CCDC83: variants seen among roughly 807,000 people sequenced by gnomAD.
CCDC83 encodes coiled-coil domain-containing protein 83.
Under a neutral mutation model 50.1 loss-of-function variants are expected in CCDC83, and 54 were observed. The observed-to-expected ratio is 1.08, with a 90% CI of 0.87 to 1.35. The LOEUF is 1.35. CCDC83 is among the 40% of genes most tolerant of loss of function. The pLI is 0.00. For missense variants in CCDC83, 518 were observed against 473.9 expected, an observed-to-expected ratio of 1.09 and a Z score of -0.86; for synonymous variants, 161 against 153.3, an observed-to-expected ratio of 1.05 and a Z score of -0.37.
Position 85,916,092 on chromosome 11 carries a change from G to C in CCDC83, c.939G>C (p.Glu313Asp), listed in dbSNP as rs577990197. ...GAGACTTGATGTCCTCATCAGATGA[G>C]AGCACTATCTTACATCTTAGTCATG... The part of the protein sequence containing the change: ...ESRDLMSSSD[E>D]STILHLSHEN... Residue 313 changes from glutamate (E) to aspartate (D), a missense_variant, in exon 10 of 11, where the codon GAG (glutamate) becomes GAC (aspartate). By Grantham distance (45) the Glu-to-Asp change is conservative. Coordinates refer to ENST00000342404, the MANE Select transcript of CCDC83 (RefSeq NM_001286159.2). 3.1e-6 allele frequency: 5 copies of C among 1,613,248 alleles called. No homozygotes were observed. The highest frequency in any genetic ancestry group is 1.3e-5 in the African/African-American group (1 of 75,014).
intron 7 of CCDC83, among the ~76,000 whole-genome samples, chr11:85,910,828 C>T (rs939456818): frequency 7.9e-5 from 12 of 152,150 alleles, no homozygotes; most frequent in Admixed American, 5.2e-4. Flanking sequence ...CACAATAGGT[C>T]TTCCCCTCAG....
chr11:85,911,176 A>T (rs868736244), intron 7 of CCDC83, 105 bp from the exon 8 acceptor site: 52 of 173,200 alleles, frequency 3.0e-4, no homozygotes, highest in Middle Eastern at 2.9e-3. Flanking sequence ...CGTCTCAAAT[A>T]AAAAAAAAAA....
chr11:85,914,467 G>A (rs1386222538), intron 8 of CCDC83, among the ~76,000 whole-genome samples: 2 of 152,158 alleles, frequency 1.3e-5, no homozygotes, highest in African/African-American at 4.8e-5. Flanking sequence ...AGTTCGCTGG[G>A]CTTGTAGGTG....
At chr11:85,881,729 A>G (rs774454669) in intron 3 of CCDC83, among the ~76,000 whole-genome samples, 4 of 152,120 alleles carry the variant, frequency 2.6e-5, no homozygotes, top group African/African-American at 7.2e-5. Context: ...CAGATTTTGG[A>G]TATTCTAATT....
intron 1 of CCDC83, among the ~76,000 whole-genome samples, chr11:85,856,506 G>A (rs1179039463): frequency 3.3e-5 from 5 of 152,212 alleles, no homozygotes; most frequent in African/African-American, 1.2e-4. Flanking sequence ...AGAAGTTAGT[G>A]TAATATACTG....
chr11:85,855,069 G>A (rs1332498101), upstream of CCDC83: 1 of 152,286 alleles, frequency 6.6e-6, no homozygotes, highest in Admixed American at 6.5e-5. Context: ...CGGGTGGGGA[G>A]GGAGTAGGGA....
At chr11:85,899,796 C>A (rs535839653) in intron 7 of CCDC83, among the ~76,000 whole-genome samples, 1 of 152,146 alleles carries the variant, frequency 6.6e-6, no homozygotes, top group South Asian at 2.1e-4. Context: ...TAGATATATT[C>A]ATTGAAGGGA....
At chr11:85,916,367 C>T in intron 10 of CCDC83, 134 bp downstream of exon 10, 1 of 713,898 alleles carries the variant, frequency 1.4e-6, no homozygotes, top group South Asian at 1.6e-5. Flanking sequence ...ATTGGCCCAC[C>T]ATTCACATCT....
chr11:85,879,538 C>T (rs1179257260), intron 3 of CCDC83, among the ~76,000 whole-genome samples: 1 of 152,036 alleles, frequency 6.6e-6, no homozygotes, highest in African/African-American at 2.4e-5. Context: ...CAAATAAAAA[C>T]CACAATGAGG....
At chr11:85,911,175 TAA>T (rs368467157) in intron 7 of CCDC83, 104 bp from the exon 8 acceptor site, 22,278 of 637,250 alleles carry the variant, frequency 0.035, no homozygotes, top group Middle Eastern at 0.045. Flanking sequence ...CCGTCTCAAA[TAA>T]AAAAAAAAAA....
chr11:85,917,166 G>GAGAGAGAA lies in CCDC83; in HGVS notation c.1080+936_1080+937insGAGAAAGA, dbSNP rs756949334. On this transcript the variant is annotated intron_variant, in intron 10 of 10. Coordinates refer to ENST00000342404, the MANE Select transcript of CCDC83 (RefSeq NM_001286159.2). ...AGAGAGAGAGAGAGAGAGAGAGAGA[G>GAGAGAGAA]AGAAAGAAAGAAAGAAAGAAAGAAA... Among the ~76,000 whole-genome samples the GAGAGAGAA allele has an allele frequency of 8.2e-3, 512 of 62,342 alleles. 2 individuals carry two copies. The highest frequency in any genetic ancestry group is 0.038 in the East Asian group (105 of 2,774). 40.9% of individuals were successfully genotyped at this position (62,342 alleles called of 152,430 possible). A position where few individuals can be genotyped will look rare whatever the true frequency, so the allele number is the denominator to read the frequency against.
chr11:85,902,534 T>C (rs2093406866), intron 7 of CCDC83, among the ~76,000 whole-genome samples: 1 of 152,184 alleles, frequency 6.6e-6, no homozygotes, highest in Admixed American at 6.5e-5. Flanking sequence ...TTCCAGGCTC[T>C]AAAACCACAT....
At chr11:85,910,148 T>C (rs1232637290) in intron 7 of CCDC83, among the ~76,000 whole-genome samples, 1 of 152,226 alleles carries the variant, frequency 6.6e-6, no homozygotes, top group Non-Finnish European at 1.5e-5. Flanking sequence ...ATCTCTTCTA[T>C]TAATGCTCCC....
At position 85,919,331 on chromosome 11, in the gene CCDC83, T is replaced by G; in HGVS notation, c.1081-18T>G. Reference sequence around the variant, plus strand: ...CTGAATCACCTCTCCTATTCTTTTTTGTGCCTGTTCACCATAGGATTATGT... The same window carrying G: ...CTGAATCACCTCTCCTATTCTTTTTGGTGCCTGTTCACCATAGGATTATGT... On this transcript the variant is annotated intron_variant, in intron 10 of 10. Coordinates refer to ENST00000342404, the MANE Select transcript of CCDC83 (RefSeq NM_001286159.2). The G allele has an allele frequency of 6.4e-7, 1 of 1,570,716 alleles. No individual in the cohort carries two copies. Among genetic ancestry groups the G allele is most frequent in the Non-Finnish European group, 8.6e-7 (1 of 1,164,260 alleles).
chr11:85,889,591 G>A (rs957312320), intron 5 of CCDC83, among the ~76,000 whole-genome samples: 1 of 152,126 alleles, frequency 6.6e-6, no homozygotes, highest in Non-Finnish European at 1.5e-5. Context: ...AGAACATGTT[G>A]GGGACCACTA....
intron 1 of CCDC83, among the ~76,000 whole-genome samples, chr11:85,863,736 T>A (rs1000126186): frequency 6.6e-6 from 1 of 152,188 alleles, no homozygotes; most frequent in Non-Finnish European, 1.5e-5. Flanking sequence ...TCAATGAAGG[T>A]TGACAACAGC....
intron 4 of CCDC83, among the ~76,000 whole-genome samples, chr11:85,883,645 C>T (rs2093312651): frequency 6.6e-6 from 1 of 152,140 alleles, no homozygotes; most frequent in Non-Finnish European, 1.5e-5. Flanking sequence ...TCTAGGACCA[C>T]TTTTGCCAAA....
chr11:85,886,903 C>G (rs1417900273), intron 5 of CCDC83, among the ~76,000 whole-genome samples: 2 of 151,914 alleles, frequency 1.3e-5, no homozygotes, highest in African/African-American at 4.8e-5. Context: ...CAGAGCAGAC[C>G]TTGTCTCAAA....
chr11:85,895,210 A>G (rs2135078636), intron 5 of CCDC83, 83 bp from the exon 6 acceptor site: 1 of 358,368 alleles, frequency 2.8e-6, no homozygotes, highest in Non-Finnish European at 4.8e-6. Flanking sequence ...TATGAAGAGT[A>G]GACTGCCACA....
Sources: allele counts gnomAD v4.1 joint callset (sites outside exome capture counted in the v4.1 genomes callset), GRCh38; gene constraint gnomAD v4.1.1; transcripts MANE v1.5; gene names NCBI Gene and HGNC (gene_info 2026-07-23, HGNC 2026-07-21).